GALNT13: variants seen among roughly 807,000 people sequenced by gnomAD.
The protein encoded by GALNT13 is UDP-GalNAc:polypeptide N-acetylgalactosaminyltransferase 13.
A neutral mutation model predicts 64.2 loss-of-function variants in GALNT13; 28 were observed. That is an observed-to-expected ratio of 0.44 (90% confidence interval 0.32 to 0.60). The LOEUF is 0.60. GALNT13 is among the 20% of genes least tolerant of loss of function. The pLI is 0.05. For synonymous variants in GALNT13, 214 were observed against 224.6 expected (o/e 0.95, Z 0.42); for missense variants, 577 against 669.8 (o/e 0.86, Z 1.53).
the GALNT13 span, among the ~76,000 whole-genome samples, chr2:153,836,827 G>T: frequency 6.6e-6 from 1 of 152,172 alleles, no homozygotes; most frequent in East Asian, 1.9e-4. Context: ...TCCCTACAAA[G>T]GACATGAACT....
chr2:153,629,078 G>A, the GALNT13 span, among the ~76,000 whole-genome samples: 1 of 151,968 alleles, frequency 6.6e-6, no homozygotes, highest in Non-Finnish European at 1.5e-5. Flanking sequence ...GTCTTGGGAG[G>A]GTATATGTGT....
chr2:153,389,386 C>A, the GALNT13 span, among the ~76,000 whole-genome samples: 2 of 151,988 alleles, frequency 1.3e-5, no homozygotes, highest in African/African-American at 4.8e-5. Context: ...GGAAGTGGAG[C>A]TGGGGAACGG....
the GALNT13 span, among the ~76,000 whole-genome samples, chr2:153,104,705 C>T: frequency 1.3e-5 from 2 of 152,044 alleles, no homozygotes; most frequent in Non-Finnish European, 2.9e-5. Context: ...GATATATAAA[C>T]ATGTAAGGCT....
At chr2:153,226,740 C>A in the GALNT13 span, among the ~76,000 whole-genome samples, 1 of 152,110 alleles carries the variant, frequency 6.6e-6, no homozygotes, top group Admixed American at 6.5e-5. Context: ...ATGTGGCATC[C>A]TGATATGGCA....
chr2:153,824,859 G>A, the GALNT13 span, among the ~76,000 whole-genome samples: 6 of 152,148 alleles, frequency 3.9e-5, no homozygotes, highest in East Asian at 9.7e-4. Context: ...TGCTCCAGCC[G>A]TGTAAGATGT....
the GALNT13 span, among the ~76,000 whole-genome samples, chr2:153,637,297 A>G: frequency 6.6e-6 from 1 of 152,178 alleles, no homozygotes. Context: ...ACTGGAAGGA[A>G]GCAAAAGATA....
chr2:153,782,026 G>C, the GALNT13 span, among the ~76,000 whole-genome samples: 2 of 152,140 alleles, frequency 1.3e-5, no homozygotes, highest in East Asian at 3.9e-4. Flanking sequence ...ACTCAAGAGA[G>C]ATCTTGAGGC....
chr2:153,097,925 G>T, the GALNT13 span, among the ~76,000 whole-genome samples: 2 of 152,144 alleles, frequency 1.3e-5, no homozygotes, highest in African/African-American at 4.8e-5. Context: ...AATTAGCTGG[G>T]CGTGGTCGTG....
At chr2:154,072,685 A>G (rs1700794880) in intron 3 of GALNT13, among the ~76,000 whole-genome samples, 1 of 152,030 alleles carries the variant, frequency 6.6e-6, no homozygotes, top group Non-Finnish European at 1.5e-5. Context: ...TACTGATGGT[A>G]CCTATCTGTC....
the GALNT13 span, among the ~76,000 whole-genome samples, chr2:153,770,742 G>C: frequency 1.6e-4 from 24 of 152,198 alleles, no homozygotes; most frequent in African/African-American, 5.5e-4. Flanking sequence ...ACAATGGGCT[G>C]ATCTGTGTAA....
intron 3 of GALNT13, among the ~76,000 whole-genome samples, chr2:154,070,699 C>G (rs1408857065): frequency 1.3e-5 from 2 of 152,014 alleles, no homozygotes; most frequent in Non-Finnish European, 2.9e-5. Context: ...AGGCAGATCA[C>G]TTGAGGTCAG....
intron 8 of GALNT13, among the ~76,000 whole-genome samples, chr2:154,290,760 G>C (rs1460336208): frequency 6.6e-6 from 1 of 152,156 alleles, no homozygotes; most frequent in Non-Finnish European, 1.5e-5. Flanking sequence ...TAAAGATGGT[G>C]TGTCTGGAGT....
At chr2:153,995,803 A>C (rs1695485977) in intron 3 of GALNT13, among the ~76,000 whole-genome samples, 1 of 151,952 alleles carries the variant, frequency 6.6e-6, no homozygotes, top group Admixed American at 6.6e-5. Context: ...TGATAAACCA[A>C]CCTCTACCCT....
the GALNT13 span, among the ~76,000 whole-genome samples, chr2:153,831,568 C>CAATGGTTGAACTAGTTT: frequency 1.3e-5 from 2 of 151,824 alleles, no homozygotes; most frequent in African/African-American, 4.9e-5. Flanking sequence ...CGCCTCAGCA[C>CAATGGTTGAACTAGTTT]CCAGAAACCC....
At chr2:154,298,381 T>A (rs1290003407) in intron 8 of GALNT13, among the ~76,000 whole-genome samples, 2 of 125,654 alleles carry the variant, frequency 1.6e-5, no homozygotes, top group Non-Finnish European at 3.4e-5. Flanking sequence ...CTAAATTACA[T>A]AAATATAATT....
the GALNT13 span, among the ~76,000 whole-genome samples, chr2:153,785,167 G>C: frequency 0.028 from 4,306 of 152,278 alleles, 77 homozygotes; most frequent in Non-Finnish European, 0.042. Flanking sequence ...AGGCTTTGGA[G>C]AGTCCGAAGC....
chr2:153,508,869 T>G, the GALNT13 span, among the ~76,000 whole-genome samples: 1 of 152,150 alleles, frequency 6.6e-6, no homozygotes, highest in Non-Finnish European at 1.5e-5. Flanking sequence ...TCTTCCCCCC[T>G]ATAAATCTCC....
intron 4 of GALNT13, among the ~76,000 whole-genome samples, chr2:154,188,053 T>C (rs1686360864): frequency 6.7e-6 from 1 of 149,012 alleles, no homozygotes; most frequent in Non-Finnish European, 1.5e-5. Context: ...TCTCTCCTGT[T>C]TTTCTGTTCA....
At chr2:153,843,450 A>G in the GALNT13 span, among the ~76,000 whole-genome samples, 5 of 152,200 alleles carry the variant, frequency 3.3e-5, no homozygotes, top group African/African-American at 2.4e-5. Flanking sequence ...AACATCTCCC[A>G]CCAGACCCCA....
Sources: allele counts gnomAD v4.1 joint callset (sites outside exome capture counted in the v4.1 genomes callset), GRCh38; gene constraint gnomAD v4.1.1; transcripts MANE v1.5; gene names NCBI Gene and HGNC (gene_info 2026-07-23, HGNC 2026-07-21).